DLG2: variants seen among roughly 807,000 people sequenced by gnomAD.
DLG2 encodes discs large MAGUK scaffold protein 2, also known as disks large homolog 2.
A neutral mutation model predicts 132.5 loss-of-function variants in DLG2; 45 were observed. That is an observed-to-expected ratio of 0.34 (90% CI 0.27 to 0.44). DLG2 has a LOEUF of 0.44. Ranked by LOEUF, DLG2 falls within the 20% of genes least tolerant of loss-of-function variation. The pLI, the probability that DLG2 is intolerant of heterozygous loss-of-function variation, is 1.00. For missense variants in DLG2, 1,045 were observed against 1,196.9 expected, an observed-to-expected ratio of 0.87 and a Z score of 1.87; for synonymous variants, 424 against 419.6, an observed-to-expected ratio of 1.01 and a Z score of -0.13.
At chr11:85,497,350 GA>G (rs950735161) in intron 3 of DLG2, among the ~76,000 whole-genome samples, 1 of 150,924 alleles carries the variant, frequency 6.6e-6, no homozygotes, top group African/African-American at 2.4e-5. Context: ...TGAACTCATT[GA>G]AAAAAACAAG....
At chr11:83,740,057 T>C (rs183770594) in intron 18 of DLG2, among the ~76,000 whole-genome samples, 9 of 152,282 alleles carry the variant, frequency 5.9e-5, no homozygotes, top group African/African-American at 1.2e-4. Context: ...CAGAGCACAA[T>C]GCAAAAGAAA....
chr11:84,442,706 A>AGAAAG (rs1555583901), intron 7 of DLG2, among the ~76,000 whole-genome samples: 5 of 148,876 alleles, frequency 3.4e-5, no homozygotes, highest in Non-Finnish European at 7.4e-5. Flanking sequence ...TAATTAAAAA[A>AGAAAG]AAAGAAAGAA....
intron 19 of DLG2, among the ~76,000 whole-genome samples, chr11:83,569,320 G>A (rs2096759876): frequency 6.6e-6 from 1 of 152,010 alleles, no homozygotes; most frequent in Non-Finnish European, 1.5e-5. Flanking sequence ...ATGTCAGTAA[G>A]CTCATGTCAG....
At chr11:84,201,282 C>G (rs1286568990) in intron 8 of DLG2, among the ~76,000 whole-genome samples, 1 of 152,100 alleles carries the variant, frequency 6.6e-6, no homozygotes, top group Non-Finnish European at 1.5e-5. Context: ...ATCTTTTACC[C>G]CAGGGATGAA....
intron 6 of DLG2, among the ~76,000 whole-genome samples, chr11:84,817,725 A>AGAC (rs1491469382): frequency 1.3e-5 from 2 of 151,990 alleles, no homozygotes; most frequent in African/African-American, 4.8e-5. Flanking sequence ...TAATGGGTGA[A>AGAC]GACGATTACT....
chr11:84,490,386 G>A (rs960450265), intron 7 of DLG2, among the ~76,000 whole-genome samples: 11 of 152,070 alleles, frequency 7.2e-5, no homozygotes, highest in Non-Finnish European at 1.5e-4. Flanking sequence ...GAAATTCCCA[G>A]CTTCTAAATT....
chr11:84,143,902 G>A (rs775611428), intron 9 of DLG2, among the ~76,000 whole-genome samples: 1 of 152,098 alleles, frequency 6.6e-6, no homozygotes, highest in Non-Finnish European at 1.5e-5. Context: ...AGGGTTTGGG[G>A]ATAAGGTACA....
At chr11:84,334,119 A>G (rs578057008) in intron 7 of DLG2, among the ~76,000 whole-genome samples, 1 of 152,350 alleles carries the variant, frequency 6.6e-6, no homozygotes, top group South Asian at 2.1e-4. Context: ...TCATTAAATC[A>G]ACATTCAAAA....
At chr11:85,442,745 G>A (rs886289905) in intron 3 of DLG2, among the ~76,000 whole-genome samples, 2 of 151,976 alleles carry the variant, frequency 1.3e-5, no homozygotes, top group African/African-American at 4.8e-5. Flanking sequence ...AGCCAGACAT[G>A]GTGGCATGTA....
chr11:85,179,823 A>T (rs902360280), intron 4 of DLG2, among the ~76,000 whole-genome samples: 1 of 151,944 alleles, frequency 6.6e-6, no homozygotes, highest in African/African-American at 2.4e-5. Flanking sequence ...GGTAGTTAAT[A>T]CTTCCTATTC....
intron 6 of DLG2, among the ~76,000 whole-genome samples, chr11:84,959,971 T>C (rs2154108041): frequency 6.6e-6 from 1 of 152,338 alleles, no homozygotes; most frequent in Non-Finnish European, 1.5e-5. Flanking sequence ...TTCTGAAATA[T>C]TTTCAAGGGG....
chr11:85,533,007 T>TTTGTTGTTGTTG lies in DLG2; in HGVS notation c.40+65638_40+65649dup, dbSNP rs142405019. 1.5e-3 allele frequency among the ~76,000 whole-genome samples: 234 copies of TTTGTTGTTGTTG among 151,240 alleles called. 1 individual carries two copies. Among genetic ancestry groups the TTTGTTGTTGTTG allele is most frequent in the African/African-American group, 4.2e-3 (171 of 41,144 alleles). On this transcript the variant is annotated intron_variant, in intron 3 of 27. Transcript: ENST00000376104. Reference sequence around the variant, plus strand: ...CAAAATTAGAGATGCCTAAGGTGTTTTTGTTGTTGTTGTTGTTGTTGTTGT... The same window carrying TTTGTTGTTGTTG: ...CAAAATTAGAGATGCCTAAGGTGTTTTTGTTGTTGTTGTTGTTGTTGTTGTTGTTGTTGTTGT...
chr11:84,951,974 G>A (rs888728232), intron 6 of DLG2, among the ~76,000 whole-genome samples: 5 of 152,054 alleles, frequency 3.3e-5, no homozygotes, highest in Non-Finnish European at 7.4e-5. Context: ...TTGAATATGT[G>A]GATTTAGAAA....
chr11:85,091,700 C>T (rs1012574197), intron 6 of DLG2, among the ~76,000 whole-genome samples: 1 of 152,318 alleles, frequency 6.6e-6, no homozygotes, highest in Middle Eastern at 3.4e-3. Flanking sequence ...AAAACACTTT[C>T]TTTGCTCATC....
At chr11:83,710,844 A>C (rs532363010) in intron 18 of DLG2, among the ~76,000 whole-genome samples, 1 of 152,358 alleles carries the variant, frequency 6.6e-6, no homozygotes, top group Admixed American at 6.5e-5. Context: ...AGAATAAAAA[A>C]GGTAAATGTA....
intron 17 of DLG2, among the ~76,000 whole-genome samples, chr11:83,789,588 C>T (rs1308025707): frequency 6.6e-6 from 1 of 151,450 alleles, no homozygotes; most frequent in Non-Finnish European, 1.5e-5. Flanking sequence ...CGCTCTGTTG[C>T]CCAGCCTGGA....
chr11:85,214,938 C>T (rs1349480804), intron 4 of DLG2, among the ~76,000 whole-genome samples: 1 of 152,112 alleles, frequency 6.6e-6, no homozygotes, highest in Non-Finnish European at 1.5e-5. Flanking sequence ...CTCCATAATA[C>T]TTTCACAATG....
At chr11:84,733,826 G>T (rs1367334750) in intron 6 of DLG2, among the ~76,000 whole-genome samples, 1 of 152,180 alleles carries the variant, frequency 6.6e-6, no homozygotes. Flanking sequence ...AAGGTGTAAG[G>T]AAGGGATCCA....
At chr11:85,123,121 G>T (rs1010571125) in intron 5 of DLG2, among the ~76,000 whole-genome samples, 1 of 150,326 alleles carries the variant, frequency 6.7e-6, no homozygotes, top group Non-Finnish European at 1.5e-5. Flanking sequence ...GGAACTACAG[G>T]CACCTGCCAC....
Sources: gnomAD v4.1 joint callset for allele counts (sites outside exome capture counted in the v4.1 genomes callset) on GRCh38, gnomAD v4.1.1 for gene constraint, MANE v1.5 for transcripts, NCBI Gene and HGNC (gene_info 2026-07-23, HGNC 2026-07-21) for gene names.